The following MEP1B variants were observed in gnomAD, a reference collection of about 807,000 sequenced individuals.
The protein encoded by MEP1B is meprin A subunit beta, also known as N-benzoyl-L-tyrosyl-P-amino-benzoic acid hydrolase subunit beta.
Under a neutral mutation model 84.6 loss-of-function variants are expected in MEP1B, and 80 were observed. The ratio of observed to expected loss-of-function variants is 0.95; its 90% CI spans 0.79 to 1.14. The LOEUF (loss-of-function observed/expected upper bound fraction) is 1.14. Among genes scored for constraint, MEP1B ranks in the 50% most tolerant of loss-of-function variants. MEP1B has a pLI of 0.00. For missense variants in MEP1B, 766 were observed against 855.1 expected, an observed-to-expected ratio of 0.90 and a Z score of 1.30; for synonymous variants, 273 against 288.1, an observed-to-expected ratio of 0.95 and a Z score of 0.53.
In MEP1B at chr18:32,202,931, C is replaced by A. The variant is rs200205119; in HGVS notation, c.289C>A (p.Arg97Ser). The A allele has an allele frequency of 5.0e-6, 8 of 1,612,092 alleles. No homozygotes were observed. The highest frequency in any genetic ancestry group is 1.3e-5 in the African/African-American group (1 of 74,884). ...GGGAGTTATCCTCAATGCATTTGAA[C>A]GTTATCGCCTTAAAACATGTATTGA... ...AKGVILNAFERYRLKTCIDFK... is the reference protein window; with the variant it reads ...AKGVILNAFESYRLKTCIDFK... The change falls in exon 6 of 15, where the codon CGT (arginine) becomes AGT (serine). Residue 97 changes from arginine (R) to serine (S), a missense_variant. By Grantham distance (110) the Arg-to-Ser change is moderately radical. Coordinates refer to ENST00000269202, the MANE Select transcript of MEP1B (RefSeq NM_005925.3).
chr18:32,211,277 T>TAAATA (rs1267249267), intron 10 of MEP1B, among the ~76,000 whole-genome samples: 9 of 151,520 alleles, frequency 5.9e-5, no homozygotes, highest in South Asian at 2.1e-4. Flanking sequence ...TCTGAAAAAA[T>TAAATA]AAATAAAATA....
chr18:32,215,294 G>GT (rs748432585), intron 12 of MEP1B, 33 bp downstream of exon 12: 1,650 of 1,333,472 alleles, frequency 1.2e-3, no homozygotes, highest in South Asian at 1.7e-3. Context: ...ATATAAACTA[G>GT]TTTTTTTTTG....
chr18:32,196,567 C>G lies in MEP1B; in HGVS notation c.250+1082C>G. The G allele has an allele frequency of 1.4e-6, 1 of 709,186 alleles. No homozygotes were observed. Among genetic ancestry groups the G allele is most frequent in the Non-Finnish European group, 2.6e-6 (1 of 386,016 alleles). The allele number at this position is 709,186 out of a possible 1,614,324, so 43.9% of individuals were successfully genotyped here. On this transcript the variant is annotated intron_variant, in intron 5 of 14. Transcript: ENST00000269202. This position sits in a 1 kb window ranked among gnomAD's most constrained non-coding sequence, Gnocchi z 4.4. ...TTGGGCCCTTGGTACTTGGTGCTGA[C>G]GGCCAGCGCGTTGTCCAGGAAGCAC...
At chr18:32,203,157 C>G (rs2040930022) in intron 6 of MEP1B, 147 bp downstream of exon 6, 1 of 528,764 alleles carries the variant, frequency 1.9e-6, no homozygotes. Context: ...ACAACTGGAT[C>G]TAGTTTTTGT....
intron 12 of MEP1B, among the ~76,000 whole-genome samples, chr18:32,215,653 T>C (rs991311557): frequency 3.9e-5 from 6 of 152,082 alleles, no homozygotes; most frequent in African/African-American, 1.4e-4. Context: ...TGAAACCCTG[T>C]CTCTACTAAA....
At position 32,196,587 on chromosome 18, in the gene MEP1B, A is replaced by T. The variant is rs2040857607; in HGVS notation, c.250+1102A>T. Reference sequence around the variant, plus strand: ...GCTGACGGCCAGCGCGTTGTCCAGGAAGCACAGCGACAGGTCGTACTCCAT... The same window carrying T: ...GCTGACGGCCAGCGCGTTGTCCAGGTAGCACAGCGACAGGTCGTACTCCAT... On this transcript the variant is annotated intron_variant, in intron 5 of 14. Transcript: ENST00000269202. The surrounding 1 kb of genome is among the most constrained non-coding windows in gnomAD (Gnocchi z 4.4). 1.4e-6 allele frequency: 1 copy of T among 721,380 alleles called. No homozygotes were observed. The highest frequency in any genetic ancestry group is 2.5e-6 in the Non-Finnish European group (1 of 392,874). The allele number at this position is 721,380 out of a possible 1,614,324, so 44.7% of individuals were successfully genotyped here. A position where few individuals can be genotyped will look rare whatever the true frequency, so the allele number is the denominator to read the frequency against.
chr18:32,197,139 A>G (rs745905386), intron 5 of MEP1B, among the ~76,000 whole-genome samples: 1 of 152,234 alleles, frequency 6.6e-6, no homozygotes, highest in Non-Finnish European at 1.5e-5. Flanking sequence ...AGCTTTCATC[A>G]TCCTCTTTTC....
At chr18:32,202,426 A>G (rs80051029) in intron 5 of MEP1B, among the ~76,000 whole-genome samples, 1,779 of 152,286 alleles carry the variant, frequency 0.012, 36 homozygotes, top group African/African-American at 0.04. Context: ...TGCACTTTGC[A>G]TTTGTAGATA....
intron 8 of MEP1B, among the ~76,000 whole-genome samples, chr18:32,207,841 G>A (rs532185308): frequency 2.6e-5 from 4 of 152,212 alleles, no homozygotes; most frequent in East Asian, 3.9e-4. Context: ...TTAATGATTC[G>A]AATAACTAGG....
rs1342389449 is a variant in MEP1B at position 32,204,306 on chromosome 18, T to G, written c.493T>G (p.Ser165Ala). The G allele has an allele frequency of 1.2e-6, 2 of 1,603,944 alleles. No homozygotes were observed. The highest frequency in any genetic ancestry group is 1.7e-6 in the Non-Finnish European group (2 of 1,175,510). ...LHALGFWHEQ[S>A]RSDRDDYVRI... ...CGCTCTGGGATTCTGGCATGAGCAG[T>G]CGCGTTCTGACCGGGATGACTATGT... is the stretch of plus-strand genomic sequence containing the variant. Residue 165 changes from serine to alanine, a missense_variant, in exon 7 of 15, where the codon TCG becomes GCG. By Grantham distance (99) the Ser-to-Ala change is moderately conservative. Coordinates refer to ENST00000269202, the MANE Select transcript of MEP1B (RefSeq NM_005925.3).
Position 32,196,402 on chromosome 18 carries a change from T to C in MEP1B, c.250+917T>C. On this transcript the variant is annotated intron_variant, in intron 5 of 14. Transcript: ENST00000269202. This position sits in a 1 kb window ranked among gnomAD's most constrained non-coding sequence, Gnocchi z 4.4. ...GTACTCAGAGCTCTCCTTGGTCTTC[T>C]CCTGGTCCTCGCCCAGCTGGGTCTT... The C allele has an allele frequency of 1.4e-6, 1 of 697,572 alleles. No homozygotes were observed. The highest frequency in any genetic ancestry group is 1.5e-5 in the South Asian group (1 of 67,420). The allele number at this position is 697,572 out of a possible 1,614,324, so 43.2% of individuals were successfully genotyped here.
Position 32,217,091 on chromosome 18 carries a change from T to C in MEP1B, c.1860T>C (p.Thr620=), listed in dbSNP as rs1324580051. ...CCTGTAAAAATGACGGTGTCTGCAC[T>C]GTTCGAGATGGCAAAGCTGAGTGCA... The part of the protein sequence containing the change: ...KTTCKNDGVC[T]VRDGKAECRC... Residue 620 remains threonine (T), a synonymous_variant, in exon 13 of 15, where the codon ACT becomes ACC. Transcript: ENST00000269202. 6.2e-7 allele frequency: 1 copy of C among 1,613,702 alleles called. No homozygotes were observed. Among genetic ancestry groups the C allele is most frequent in the Non-Finnish European group, 8.5e-7 (1 of 1,179,752 alleles).
At chr18:32,218,715 A>G (rs190592582) in intron 14 of MEP1B, among the ~76,000 whole-genome samples, 2,208 of 152,188 alleles carry the variant, frequency 0.015, 26 homozygotes, top group South Asian at 0.04. Flanking sequence ...TGGAGTGGGG[A>G]TGACTCCCTC....
Position 32,208,120 on chromosome 18 carries a change from C to G in MEP1B, c.768C>G (p.Ser256=), listed in dbSNP as rs1466436325. 1 of 1,612,642 alleles carries G rather than the reference C, an allele frequency of 6.2e-7. No individual in the cohort carries two copies. The highest frequency in any genetic ancestry group is 1.7e-5 in the Admixed American group (1 of 59,894). ...ATAATTGTTTTTTGCTTTTTGTAGC[C>G]TCTTCCTTGAGTTTTATGGACTCGT... is the stretch of plus-strand genomic sequence containing the variant. ...LLKLNQLYNC[S]SSLSFMDSCS... is the part of the protein sequence containing the mutation. Residue 256 remains serine (S), a splice_region_variant and synonymous_variant, in exon 9 of 15, where the codon TCC becomes TCG. Coordinates refer to ENST00000269202, the MANE Select transcript of MEP1B (RefSeq NM_005925.3).
At chr18:32,214,297 A>G (rs140444075) in intron 11 of MEP1B, among the ~76,000 whole-genome samples, 1 of 152,312 alleles carries the variant, frequency 6.6e-6, no homozygotes, top group East Asian at 1.9e-4. Context: ...TCACACTACT[A>G]ATTTTAATAA....
In MEP1B at chr18:32,217,135, G is replaced by C; in HGVS notation, c.1886+18G>C. On this transcript the variant is annotated intron_variant, in intron 13 of 14. Coordinates refer to ENST00000269202, the MANE Select transcript of MEP1B (RefSeq NM_005925.3). ...GAGTGCAGGTAAGGATGATTTGAAA[G>C]AGATCTCTCCATTCTTTGGTTAGAA... 3 of 1,611,164 alleles carry C rather than the reference G, an allele frequency of 1.9e-6. No individual in the cohort carries two copies. Among genetic ancestry groups the C allele is most frequent in the Non-Finnish European group, 2.5e-6 (3 of 1,178,562 alleles).
chr18:32,202,954 T>G lies in MEP1B; in HGVS notation c.312T>G (p.Ile104Met). 6.2e-7 allele frequency: 1 copy of G among 1,613,066 alleles called. No individual in the cohort carries two copies. Among genetic ancestry groups the G allele is most frequent in the Admixed American group, 1.7e-5 (1 of 59,946 alleles). ...AACGTTATCGCCTTAAAACATGTAT[T>G]GACTTTAAGCCTTGGGCTGGAGAAA... ...AFERYRLKTCIDFKPWAGETN... is the reference protein window; with the variant it reads ...AFERYRLKTCMDFKPWAGETN... Residue 104 changes from isoleucine to methionine, a missense_variant, in exon 6 of 15, where the codon ATT becomes ATG. Coordinates refer to ENST00000269202, the MANE Select transcript of MEP1B (RefSeq NM_005925.3).
intron 4 of MEP1B, 59 bp from the exon 5 acceptor site, chr18:32,195,348 G>T: frequency 9.4e-7 from 1 of 1,059,998 alleles, no homozygotes; most frequent in South Asian, 1.4e-5. Flanking sequence ...ATTAACTACA[G>T]GTTTCCTAAG....
chr18:32,213,300 C>T lies in MEP1B; in HGVS notation c.1320C>T (p.Phe440=). The change falls in exon 11 of 15, where the codon TTC becomes TTT. Residue 440 remains phenylalanine (F), a synonymous_variant. Coordinates refer to ENST00000269202, the MANE Select transcript of MEP1B (RefSeq NM_005925.3). The part of the protein sequence containing the change: ...HIWHIRNFTQ[F]IGSPNGTLYS... ...GGCATATAAGGAATTTCACACAGTT[C>T]ATTGGCAGCCCAAATGGAACTCTGT... 3.7e-6 allele frequency: 6 copies of T among 1,613,938 alleles called. No homozygotes were observed. The highest frequency in any genetic ancestry group is 5.1e-6 in the Non-Finnish European group (6 of 1,179,864).
Sources: gnomAD v4.1 joint callset for allele counts (sites outside exome capture counted in the v4.1 genomes callset) on GRCh38, gnomAD v4.1.1 for gene constraint, Gnocchi (gnomAD v3.1) non-coding constraint, MANE v1.5 for transcripts, NCBI Gene and HGNC (gene_info 2026-07-23, HGNC 2026-07-21) for gene names.